Variants in KAZN observed in about 807,000 individuals in gnomAD.
KAZN encodes the protein kazrin, periplakin interacting protein.
KAZN carries 40 observed loss-of-function variants against 87.4 expected under a neutral mutation model. That is an observed-to-expected ratio of 0.46 (90% confidence interval 0.36 to 0.60). The LOEUF is 0.60. KAZN is among the 20% of genes least tolerant of loss of function. The probability of loss-of-function intolerance (pLI) is 0.00; values close to 1 mark genes in which losing one functional copy is unlikely to be tolerated. For missense variants in KAZN, 898 were observed against 1,073.9 expected, an observed-to-expected ratio of 0.84 and a Z score of 2.29; for synonymous variants, 466 against 458.3, an observed-to-expected ratio of 1.02 and a Z score of -0.22.
intron 2 of KAZN, among the ~76,000 whole-genome samples, chr1:14,275,791 G>C (rs1221647807): frequency 6.6e-6 from 1 of 152,176 alleles, no homozygotes; most frequent in Non-Finnish European, 1.5e-5. Flanking sequence ...CTGTGCAAGA[G>C]AGTGTCTCTA....
At chr1:14,217,167 C>T (rs1172129581) in intron 2 of KAZN, among the ~76,000 whole-genome samples, 1 of 152,088 alleles carries the variant, frequency 6.6e-6, no homozygotes, top group African/African-American at 2.4e-5. Flanking sequence ...AGACTCTTGC[C>T]AGATGCTGAC....
chr1:14,963,611 TTTG>T (rs941024743), intron 2 of KAZN, among the ~76,000 whole-genome samples: 4 of 152,178 alleles, frequency 2.6e-5, no homozygotes, highest in Admixed American at 6.5e-5. Context: ...GATGCATTTT[TTTG>T]TTGTTGTTGT....
At chr1:14,283,660 C>G (rs888907943) in intron 2 of KAZN, among the ~76,000 whole-genome samples, 1 of 152,080 alleles carries the variant, frequency 6.6e-6, no homozygotes, top group Non-Finnish European at 1.5e-5. Context: ...TGGTGCGACC[C>G]CTTTGGGAAC....
intron 1 of KAZN, among the ~76,000 whole-genome samples, chr1:14,155,723 C>T (rs756816317): frequency 6.6e-6 from 1 of 152,106 alleles, no homozygotes; most frequent in Non-Finnish European, 1.5e-5. Context: ...CATCTTGGCT[C>T]ACTACAACCT....
At chr1:14,043,017 C>T (rs969892467) in intron 1 of KAZN, among the ~76,000 whole-genome samples, 4 of 152,160 alleles carry the variant, frequency 2.6e-5, no homozygotes, top group Non-Finnish European at 5.9e-5. Context: ...GTGCAACCAT[C>T]ATCTCTGTAA....
intron 2 of KAZN, among the ~76,000 whole-genome samples, chr1:14,430,604 G>A (rs1022544990): frequency 6.6e-6 from 1 of 152,160 alleles, no homozygotes; most frequent in Non-Finnish European, 1.5e-5. Flanking sequence ...GAGGTGGACA[G>A]GATAACCACT....
In KAZN at chr1:14,299,031, C is replaced by T. The variant is rs1402172603; in HGVS notation, c.249+118439C>T. Among the ~76,000 whole-genome samples, 5 of 152,238 alleles carry T rather than the reference C, an allele frequency of 3.3e-5. No individual in the cohort carries two copies. In the East Asian group the frequency reaches 9.7e-4, roughly 29 times the overall value. ...GTGGCGTGGCTATTGTTAATGCAAC[C>T]AGAATAGTTCAGTGGTTACAGAGTA... On this transcript the variant is annotated intron_variant, in intron 2 of 16. Coordinates refer to the KAZN transcript ENST00000636203.
intron 2 of KAZN, among the ~76,000 whole-genome samples, chr1:14,443,537 T>G (rs1404374355): frequency 6.6e-6 from 1 of 152,238 alleles, no homozygotes; most frequent in Non-Finnish European, 1.5e-5. Flanking sequence ...GAGTCTCCAT[T>G]GGATTGGAGG....
At chr1:13,937,856 G>T (rs980824470) in intron 1 of KAZN, among the ~76,000 whole-genome samples, 7 of 151,932 alleles carry the variant, frequency 4.6e-5, no homozygotes, top group African/African-American at 1.7e-4. Context: ...TGTATTTCTG[G>T]GTTCTCTATT....
chr1:14,629,015 T>A (rs546881867), intron 1 of KAZN, among the ~76,000 whole-genome samples: 1 of 151,984 alleles, frequency 6.6e-6, no homozygotes, highest in South Asian at 2.1e-4. Context: ...CCCAGCTAAT[T>A]TTTGTGTTTT....
chr1:14,666,458 T>A (rs1355713054), intron 1 of KAZN, among the ~76,000 whole-genome samples: 1 of 151,942 alleles, frequency 6.6e-6, no homozygotes, highest in East Asian at 1.9e-4. Context: ...ATTTGGGGAG[T>A]TGCATGTAAT....
chr1:14,642,832 A>C (rs891365566), intron 1 of KAZN, among the ~76,000 whole-genome samples: 1 of 152,252 alleles, frequency 6.6e-6, no homozygotes, highest in Non-Finnish European at 1.5e-5. Flanking sequence ...AAACAAAAAT[A>C]TAAGGGTTTA....
intron 2 of KAZN, among the ~76,000 whole-genome samples, chr1:14,426,599 C>A (rs1439417724): frequency 6.6e-6 from 1 of 152,138 alleles, no homozygotes; most frequent in African/African-American, 2.4e-5. Context: ...TACCCAAAAA[C>A]CATCTTGTGG....
chr1:14,721,598 T>C (rs181123687), intron 1 of KAZN, among the ~76,000 whole-genome samples: 3 of 152,344 alleles, frequency 2.0e-5, no homozygotes, highest in African/African-American at 7.2e-5. Flanking sequence ...AAGGATGACA[T>C]TTCAATGCTG....
intron 1 of KAZN, among the ~76,000 whole-genome samples, chr1:13,921,012 C>G (rs979398717): frequency 6.6e-6 from 1 of 152,092 alleles, no homozygotes; most frequent in Non-Finnish European, 1.5e-5. Flanking sequence ...TTTCTGTGTG[C>G]TCATTGTGTC....
chr1:13,967,557 G>A (rs1430692413), intron 1 of KAZN, among the ~76,000 whole-genome samples: 2 of 152,220 alleles, frequency 1.3e-5, no homozygotes, highest in Non-Finnish European at 2.9e-5. Context: ...CACCACTGAG[G>A]ACTGGTGACC....
intron 1 of KAZN, among the ~76,000 whole-genome samples, chr1:14,177,418 A>G (rs1646103077): frequency 6.6e-6 from 1 of 152,152 alleles, no homozygotes; most frequent in African/African-American, 2.4e-5. Flanking sequence ...TGCCTCAAGT[A>G]ACTTCTTTAA....
At chr1:14,843,576 C>T (rs1429871547) in intron 1 of KAZN, among the ~76,000 whole-genome samples, 3 of 152,172 alleles carry the variant, frequency 2.0e-5, no homozygotes, top group Non-Finnish European at 2.9e-5. Flanking sequence ...GTGGAAGAGC[C>T]TTTGGGGCAC....
chr1:14,286,184 T>A (rs1571223492), intron 2 of KAZN, among the ~76,000 whole-genome samples: 2 of 152,100 alleles, frequency 1.3e-5, no homozygotes, highest in African/African-American at 4.8e-5. Flanking sequence ...ATTGGTAGGG[T>A]TGGTTTTTTC....
Sources: gnomAD v4.1 joint callset for allele counts (sites outside exome capture counted in the v4.1 genomes callset) on GRCh38, gnomAD v4.1.1 for gene constraint, MANE v1.5 for transcripts, NCBI Gene and HGNC (gene_info 2026-07-23, HGNC 2026-07-21) for gene names.